NLGN4X: variants seen among roughly 807,000 people sequenced by gnomAD.
NLGN4X encodes the protein neuroligin 4 X-linked.
In NLGN4X, 3 loss-of-function variants were observed where a neutral mutation model predicts 40.3. The ratio of observed to expected loss-of-function variants is 0.07; its 90% CI spans 0.03 to 0.19. The LOEUF (loss-of-function observed/expected upper bound fraction) is 0.19, where lower values mean the gene tolerates loss of function less well. Ranked by LOEUF, NLGN4X falls within the 10% of genes least tolerant of loss-of-function variation. The pLI, the probability that NLGN4X is intolerant of heterozygous loss-of-function variation, is 1.00. For missense variants in NLGN4X, 382 were observed against 708.3 expected, an observed-to-expected ratio of 0.54 and a Z score of 5.23; for synonymous variants, 270 against 306.8, an observed-to-expected ratio of 0.88 and a Z score of 1.25.
rs780650966 is a variant in NLGN4X, at chrX:5,978,272, T to TTTTCTTTCTTTC, written c.625+50996_625+51007dup. Among the ~76,000 whole-genome samples the TTTTCTTTCTTTC allele has an allele frequency of 1.3e-3, 27 of 20,326 alleles. 1 individual carries two copies. The highest frequency in any genetic ancestry group is 2.1e-3 in the Non-Finnish European group (23 of 11,042). 17.7% of individuals were successfully genotyped at this position (20,326 alleles called of 115,157 possible). A position where few individuals can be genotyped will look rare whatever the true frequency, so the allele number is the denominator to read the frequency against. ...GAATTAAAAAGACAGGCGTCTCTTT[T>TTTTCTTTCTTTC]TTTCTTTCTTTCTTTCTTTCTTTCT... On this transcript the variant is annotated intron_variant, in intron 3 of 5. Transcript: ENST00000381095.
intron 1 of NLGN4X, among the ~76,000 whole-genome samples, chrX:6,217,707 A>G (rs769628066): frequency 2.7e-5 from 3 of 111,450 alleles, no homozygotes; most frequent in Non-Finnish European, 5.6e-5. Flanking sequence ...TACTACTGCC[A>G]TTCCTGTGTC....
intron 1 of NLGN4X, among the ~76,000 whole-genome samples, chrX:6,192,609 G>A (rs146411681): frequency 1.4e-3 from 158 of 111,795 alleles, no homozygotes; most frequent in African/African-American, 5.0e-3. Context: ...ACACCCTGGC[G>A]TCCTGATAGG....
intron 1 of NLGN4X, among the ~76,000 whole-genome samples, chrX:6,215,083 G>A (rs5916336): frequency 9.0e-6 from 1 of 111,018 alleles, no homozygotes; most frequent in East Asian, 2.8e-4. Context: ...TGTTTAAATC[G>A]CTGCTGCATA....
intron 2 of NLGN4X, among the ~76,000 whole-genome samples, chrX:6,058,984 T>C (rs1372722063): frequency 8.9e-6 from 1 of 111,813 alleles, no homozygotes; most frequent in Non-Finnish European, 1.9e-5. Flanking sequence ...AAATATTTTA[T>C]AGTGAAGAAA....
At chrX:5,948,639 T>C (rs1036351977) in intron 3 of NLGN4X, among the ~76,000 whole-genome samples, 1 of 112,074 alleles carries the variant, frequency 8.9e-6, no homozygotes, top group African/African-American at 3.2e-5. Context: ...AAGCCTTTAG[T>C]CTTGCCCTAT....
chrX:6,206,743 G>T (rs1157969799), intron 1 of NLGN4X, among the ~76,000 whole-genome samples: 1 of 111,639 alleles, frequency 9.0e-6, no homozygotes, highest in Non-Finnish European at 1.9e-5. Context: ...TCTTCACATG[G>T]TGGTTACGAC....
At chrX:6,169,189 C>G (rs1332937942) in intron 1 of NLGN4X, among the ~76,000 whole-genome samples, 2 of 111,997 alleles carry the variant, frequency 1.8e-5, no homozygotes, top group East Asian at 5.7e-4. Flanking sequence ...AGGATAAGAT[C>G]ATGTCACCTC....
chrX:5,952,616 T>C (rs1205682157), intron 3 of NLGN4X, among the ~76,000 whole-genome samples: 1 of 111,385 alleles, frequency 9.0e-6, no homozygotes, highest in Non-Finnish European at 1.9e-5. Context: ...CTAATGTATA[T>C]CAAAGTTCTC....
intron 3 of NLGN4X, among the ~76,000 whole-genome samples, chrX:5,944,375 G>A (rs2034052430): frequency 9.0e-6 from 1 of 110,784 alleles, no homozygotes; most frequent in African/African-American, 3.3e-5. Flanking sequence ...GGCCAGGCAT[G>A]GTGGCCCATG....
intron 2 of NLGN4X, among the ~76,000 whole-genome samples, chrX:6,038,759 T>C (rs1393840305): frequency 2.7e-5 from 3 of 111,921 alleles, no homozygotes; most frequent in African/African-American, 9.7e-5. Context: ...CAAAAAGATA[T>C]TTCTTGTATT....
At chrX:6,133,099 C>T (rs1287733200) in intron 2 of NLGN4X, among the ~76,000 whole-genome samples, 8 of 109,058 alleles carry the variant, frequency 7.3e-5, no homozygotes, top group Non-Finnish European at 1.3e-4. Context: ...TCATTGCTAT[C>T]ATCATCATAA....
chrX:6,217,566 T>C (rs1406077874), intron 1 of NLGN4X, among the ~76,000 whole-genome samples: 1 of 111,919 alleles, frequency 8.9e-6, no homozygotes, highest in Non-Finnish European at 1.9e-5. Flanking sequence ...TCTGTCCTCA[T>C]AATATGGTAC....
At chrX:5,944,664 AAAAAAAAAAG>A (rs1209985000) in intron 3 of NLGN4X, among the ~76,000 whole-genome samples, 4 of 108,292 alleles carry the variant, frequency 3.7e-5, no homozygotes, top group African/African-American at 1.0e-4. Context: ...AAAAAAAAAA[AAAAAAAAAAG>A]AAGAAGAAAT....
chrX:6,184,252 CAG>C (rs1180827588), intron 1 of NLGN4X, among the ~76,000 whole-genome samples: 1 of 112,087 alleles, frequency 8.9e-6, no homozygotes, highest in Non-Finnish European at 1.9e-5. Flanking sequence ...TCACTGGACA[CAG>C]TGTGCTGTTC....
chrX:6,127,823 C>T (rs928966896), intron 2 of NLGN4X, among the ~76,000 whole-genome samples: 46 of 111,657 alleles, frequency 4.1e-4, no homozygotes, highest in African/African-American at 1.1e-3. Context: ...ACAGGCACTA[C>T]GTAGGAGAAA....
chrX:5,995,929 C>A (rs1702745217), intron 3 of NLGN4X, among the ~76,000 whole-genome samples: 1 of 111,850 alleles, frequency 8.9e-6, no homozygotes, highest in Non-Finnish European at 1.9e-5. Flanking sequence ...ACGTACGTAT[C>A]CATAAGTGCC....
chrX:5,934,886 G>T (rs964404409), intron 3 of NLGN4X, among the ~76,000 whole-genome samples: 1 of 112,163 alleles, frequency 8.9e-6, no homozygotes, highest in African/African-American at 3.2e-5. Flanking sequence ...GGAAATAAAT[G>T]ATGGTTTTAA....
At chrX:5,901,054 G>A (rs2031832221) in intron 5 of NLGN4X, among the ~76,000 whole-genome samples, 1 of 112,086 alleles carries the variant, frequency 8.9e-6, no homozygotes, top group African/African-American at 3.2e-5. Flanking sequence ...TCTCCTCTGG[G>A]TAGCCTTTCT....
intron 2 of NLGN4X, among the ~76,000 whole-genome samples, chrX:6,063,292 T>C (rs943607067): frequency 2.7e-5 from 3 of 111,501 alleles, no homozygotes; most frequent in Non-Finnish European, 5.7e-5. Context: ...TTGGGCAACA[T>C]AGCAAGACCC....
Sources: allele counts gnomAD v4.1 joint callset (sites outside exome capture counted in the v4.1 genomes callset), GRCh38; gene constraint gnomAD v4.1.1; transcripts MANE v1.5; gene names NCBI Gene and HGNC (gene_info 2026-07-23, HGNC 2026-07-21).